The following TPCN1 variants were observed in gnomAD, a reference collection of about 807,000 sequenced individuals.
TPCN1 encodes the protein two pore segment channel 1.
A neutral mutation model predicts 108.8 loss-of-function variants in TPCN1; 52 were observed. The observed-to-expected ratio is 0.48, with a 90% CI of 0.38 to 0.60. The LOEUF (loss-of-function observed/expected upper bound fraction) is 0.60, where lower values mean the gene tolerates loss of function less well. Ranked by LOEUF, TPCN1 falls within the 20% of genes least tolerant of loss-of-function variation. The probability of loss-of-function intolerance (pLI) is 0.00; values close to 1 mark genes in which losing one functional copy is unlikely to be tolerated. For missense variants in TPCN1, 806 were observed against 1,072.8 expected, an observed-to-expected ratio of 0.75 and a Z score of 3.47; for synonymous variants, 446 against 433.7, an observed-to-expected ratio of 1.03 and a Z score of -0.35.
At chr12:113,293,520 C>G (rs1956335618) in intron 27 of TPCN1, among the ~76,000 whole-genome samples, 171 bp downstream of exon 27, 1 of 152,184 alleles carries the variant, frequency 6.6e-6, no homozygotes. Flanking sequence ...GCTCACTTAG[C>G]CTTGAACCCT....
Position 113,284,693 on chromosome 12 carries a change from G to A in TPCN1, c.1400-25G>A. Reference sequence around the variant, plus strand: ...TGGCCGGCACACCTGGCTTACCTGTGAGCTGCTACTTCTCTGTCTTACAGG... The same window carrying A: ...TGGCCGGCACACCTGGCTTACCTGTAAGCTGCTACTTCTCTGTCTTACAGG... On this transcript the variant is annotated intron_variant, in intron 16 of 27. Transcript: ENST00000335509. This position sits in a 1 kb window ranked among gnomAD's most constrained non-coding sequence, Gnocchi z 4.1. 1 of 1,614,238 alleles carries A rather than the reference G, an allele frequency of 6.2e-7. No individual in the cohort carries two copies. Among genetic ancestry groups the A allele is most frequent in the Non-Finnish European group, 8.5e-7 (1 of 1,180,036 alleles).
chr12:113,273,573 C>T lies in TPCN1; in HGVS notation c.847C>T (p.Pro283Ser). The T allele has an allele frequency of 6.2e-7, 1 of 1,613,642 alleles. No individual in the cohort carries two copies. The highest frequency in any genetic ancestry group is 8.5e-7 in the Non-Finnish European group (1 of 1,179,562). The change falls in exon 10 of 28, where the codon CCA (proline) becomes TCA (serine). Residue 283 changes from proline (P) to serine (S), a missense_variant. By Grantham distance (74) the Pro-to-Ser change is moderately conservative (BLOSUM62 -1). Transcript: ENST00000335509. This position sits in a 1 kb window ranked among gnomAD's most constrained non-coding sequence, Gnocchi z 4.0. ...LFVLLTTANF[P>S]DVMMPSYSRN... The stretch of plus-strand genomic sequence containing the variant: ...GGTCACCCTCTGCAAATACAGTTTC[C>T]CAGATGTGATGATGCCCTCCTACTC...
intron 25 of TPCN1, 134 bp downstream of exon 25, chr12:113,292,092 G>T: frequency 1.4e-6 from 1 of 729,570 alleles, no homozygotes; most frequent in Non-Finnish European, 2.5e-6. Flanking sequence ...TTATCTATCT[G>T]GCTTGTCTTT....
intron 2 of TPCN1, among the ~76,000 whole-genome samples, chr12:113,242,377 C>T (rs549141362): frequency 1.3e-5 from 2 of 152,300 alleles, no homozygotes; most frequent in East Asian, 3.9e-4. Flanking sequence ...CCCAGCCTTG[C>T]GGAAACAGTG....
At chr12:113,224,819 C>T (rs537205779) in intron 1 of TPCN1, among the ~76,000 whole-genome samples, 6 of 152,320 alleles carry the variant, frequency 3.9e-5, no homozygotes, top group Non-Finnish European at 5.9e-5. Flanking sequence ...TGCACCATCT[C>T]GGCTCACTGC....
At chr12:113,256,147 T>G (rs1193052601) in intron 2 of TPCN1, among the ~76,000 whole-genome samples, 2 of 152,188 alleles carry the variant, frequency 1.3e-5, no homozygotes, top group Admixed American at 6.5e-5. Flanking sequence ...AAAAAAATTT[T>G]TTTTTTGTAG....
chr12:113,258,979 ATTTT>A (rs111501174), intron 2 of TPCN1, among the ~76,000 whole-genome samples: 1 of 141,074 alleles, frequency 7.1e-6, no homozygotes, highest in Non-Finnish European at 1.6e-5. Flanking sequence ...AAAACATTAG[ATTTT>A]TTTTTTTTTT....
intron 7 of TPCN1, among the ~76,000 whole-genome samples, chr12:113,270,637 C>T (rs1167230067): frequency 6.6e-6 from 1 of 152,128 alleles, no homozygotes; most frequent in African/African-American, 2.4e-5. Context: ...CCCACCACCA[C>T]ACCCAGCTAC....
At position 113,284,599 on chromosome 12, in the gene TPCN1, A is replaced by G. The variant is rs1451250876; in HGVS notation, c.1361A>G (p.Asn454Ser). ...ATTTCAGACTTGGTGGTGGCAGTCA[A>G]CGGGGTCTGGATCCTCGTGGAGACA... Reference protein sequence around the residue: ...QYFMYLVVAVNGVWILVETFM... With the variant: ...QYFMYLVVAVSGVWILVETFM... The change falls in exon 16 of 28, where the codon AAC becomes AGC. Residue 454 changes from asparagine (N) to serine (S), a missense_variant. Coordinates refer to ENST00000335509, the MANE Select transcript of TPCN1 (RefSeq NM_017901.6). This position sits in a 1 kb window ranked among gnomAD's most constrained non-coding sequence, Gnocchi z 4.1. 16 of 1,614,162 alleles carry G rather than the reference A, an allele frequency of 9.9e-6. No homozygotes were observed. The highest frequency in any genetic ancestry group is 1.7e-4 in the Middle Eastern group (1 of 6,060).
chr12:113,260,593 G>C (rs1031518471), intron 3 of TPCN1, 101 bp downstream of exon 3: 12 of 1,398,124 alleles, frequency 8.6e-6, no homozygotes, highest in Non-Finnish European at 1.1e-5. Context: ...TCCAGCATCA[G>C]TTCATGCTGC....
chr12:113,248,260 T>G (rs1954480606), intron 2 of TPCN1, among the ~76,000 whole-genome samples: 1 of 152,242 alleles, frequency 6.6e-6, no homozygotes, highest in South Asian at 2.1e-4. Context: ...GTGTGGAATC[T>G]TCAGGGCTAG....
intron 15 of TPCN1, among the ~76,000 whole-genome samples, chr12:113,281,912 C>CTTTTTTT (rs1161003553): frequency 5.0e-5 from 6 of 119,684 alleles, no homozygotes; most frequent in African/African-American, 6.5e-5. Context: ...ATTTGGATTT[C>CTTTTTTT]TTTTTTTTTT....
In TPCN1 at chr12:113,266,430, G is replaced by T. The variant is rs1955264629; in HGVS notation, c.414+74G>T. ...GGGCAAGCGATGGAACTCCAAAAAG[G>T]AACATTCTGGGAGGGCAAACACTGC... is the stretch of plus-strand genomic sequence containing the variant. On this transcript the variant is annotated intron_variant, in intron 4 of 27. Coordinates refer to ENST00000335509, the MANE Select transcript of TPCN1 (RefSeq NM_017901.6). This position sits in a 1 kb window ranked among gnomAD's most constrained non-coding sequence, Gnocchi z 4.2. The T allele has an allele frequency of 6.4e-7, 1 of 1,561,136 alleles. No homozygotes were observed. The highest frequency in any genetic ancestry group is 8.7e-7 in the Non-Finnish European group (1 of 1,153,346).
chr12:113,254,443 A>G (rs1007582520), intron 2 of TPCN1, among the ~76,000 whole-genome samples: 1 of 152,238 alleles, frequency 6.6e-6, no homozygotes, highest in Non-Finnish European at 1.5e-5. Flanking sequence ...TGCAAATGCA[A>G]TAATATATAA....
intron 2 of TPCN1, among the ~76,000 whole-genome samples, chr12:113,227,505 G>A (rs891529447): frequency 6.6e-6 from 1 of 152,124 alleles, no homozygotes; most frequent in African/African-American, 2.4e-5. Context: ...CTGAACCAAA[G>A]CCTAGCACAA....
chr12:113,262,576 A>T (rs146237773), intron 3 of TPCN1, among the ~76,000 whole-genome samples: 2 of 152,236 alleles, frequency 1.3e-5, no homozygotes, highest in Non-Finnish European at 2.9e-5. Context: ...AAGCGCAGGC[A>T]TACTTGTTAA....
intron 15 of TPCN1, among the ~76,000 whole-genome samples, chr12:113,281,758 C>T (rs950376363): frequency 5.3e-5 from 8 of 152,042 alleles, no homozygotes; most frequent in African/African-American, 1.9e-4. Flanking sequence ...AGGCTGGTCT[C>T]AAGCTCCTGG....
intron 13 of TPCN1, 99 bp downstream of exon 13, chr12:113,278,336 T>A: frequency 9.1e-7 from 1 of 1,103,908 alleles, no homozygotes; most frequent in Non-Finnish European, 1.4e-6. Flanking sequence ...CTCTCCCTGC[T>A]AGAGCAGCTC....
rs971736145 is a variant in TPCN1 at position 113,284,173 on chromosome 12, C to T, written c.1343-408C>T. ...GTTTCTGGAAAGTGGGATTGCTAGG[C>T]GAATGGCTTAATGCATATGCAGTTT... On this transcript the variant is annotated intron_variant, in intron 15 of 27. Coordinates refer to ENST00000335509, the MANE Select transcript of TPCN1 (RefSeq NM_017901.6). This position sits in a 1 kb window ranked among gnomAD's most constrained non-coding sequence, Gnocchi z 4.1. 3.3e-5 allele frequency among the ~76,000 whole-genome samples: 5 copies of T among 152,102 alleles called. No homozygotes were observed. The highest frequency in any genetic ancestry group is 7.2e-5 in the African/African-American group (3 of 41,404).
Sources: allele counts gnomAD v4.1 joint callset (sites outside exome capture counted in the v4.1 genomes callset), GRCh38; gene constraint gnomAD v4.1.1; non-coding constraint Gnocchi (gnomAD v3.1); transcripts MANE v1.5; gene names NCBI Gene and HGNC (gene_info 2026-07-23, HGNC 2026-07-21).